The following PRR16 variants were observed in gnomAD, a reference collection of about 807,000 sequenced individuals.
PRR16 encodes the protein proline rich 16, also known as protein Largen.
A neutral mutation model predicts 18.2 loss-of-function variants in PRR16; 6 were observed. That is an observed-to-expected ratio of 0.33 (90% CI 0.18 to 0.65). The LOEUF (loss-of-function observed/expected upper bound fraction) is 0.65, where lower values mean the gene tolerates loss of function less well. Ranked by LOEUF, PRR16 falls within the 30% of genes least tolerant of loss-of-function variation. The probability of loss-of-function intolerance (pLI) is 0.74; values close to 1 mark genes in which losing one functional copy is unlikely to be tolerated. For missense variants in PRR16, 412 were observed against 376.6 expected (o/e 1.09, Z -0.78); for synonymous variants, 151 against 147.8 (o/e 1.02, Z -0.16).
chr5:120,567,371 C>G (rs1261211383), intron 1 of PRR16, among the ~76,000 whole-genome samples: 5 of 152,152 alleles, frequency 3.3e-5, no homozygotes, highest in Non-Finnish European at 7.4e-5. Context: ...AGTTCACCCT[C>G]CTGCCACTGT....
chr5:120,636,910 C>G (rs1755245866), intron 1 of PRR16, among the ~76,000 whole-genome samples: 1 of 151,934 alleles, frequency 6.6e-6, no homozygotes. Context: ...GAACTAAAAT[C>G]CAGAATCTGC....
intron 1 of PRR16, among the ~76,000 whole-genome samples, chr5:120,465,075 C>G (rs1214042744): frequency 6.6e-6 from 1 of 152,160 alleles, no homozygotes; most frequent in African/African-American, 2.4e-5. Flanking sequence ...CTCCCCAAGT[C>G]AGGGCTGAAG....
At chr5:120,466,427 AAAAG>A (rs1749108842) in intron 1 of PRR16, among the ~76,000 whole-genome samples, 1 of 152,202 alleles carries the variant, frequency 6.6e-6, no homozygotes, top group African/African-American at 2.4e-5. Flanking sequence ...GGCTGAGACT[AAAAG>A]AAAGGTAGTT....
intron 1 of PRR16, among the ~76,000 whole-genome samples, chr5:120,543,578 G>A (rs1751982843): frequency 6.6e-6 from 1 of 152,088 alleles, no homozygotes; most frequent in South Asian, 2.1e-4. Context: ...GCTAAATAAG[G>A]AAACTGATGT....
At chr5:120,645,621 A>G (rs1561590960) in intron 1 of PRR16, among the ~76,000 whole-genome samples, 2 of 152,084 alleles carry the variant, frequency 1.3e-5, no homozygotes, top group African/African-American at 4.8e-5. Flanking sequence ...GTTTAAACAA[A>G]AAAAGAAAAT....
chr5:120,632,780 G>C (rs1755100944), intron 1 of PRR16, among the ~76,000 whole-genome samples: 2 of 152,112 alleles, frequency 1.3e-5, no homozygotes, highest in African/African-American at 2.4e-5. Context: ...AGTAAGAAGA[G>C]AAATCTAAAA....
At chr5:120,568,161 G>A (rs1042379925) in intron 1 of PRR16, among the ~76,000 whole-genome samples, 6 of 152,154 alleles carry the variant, frequency 3.9e-5, no homozygotes, top group Non-Finnish European at 7.3e-5. Context: ...CCGGAAAAAC[G>A]GACACAGATG....
At chr5:120,700,770 T>C in the PRR16 span, among the ~76,000 whole-genome samples, 227 of 152,252 alleles carry the variant, frequency 1.5e-3, 2 homozygotes, top group African/African-American at 5.1e-3. Context: ...GGGGACGGGC[T>C]TGCCTTCCAC....
chr5:120,681,316 A>G (rs1756966985), intron 1 of PRR16, among the ~76,000 whole-genome samples: 1 of 152,126 alleles, frequency 6.6e-6, no homozygotes, highest in South Asian at 2.1e-4. Context: ...TGTTATTTCA[A>G]TAGTTTCTGC....
intron 1 of PRR16, among the ~76,000 whole-genome samples, chr5:120,538,119 A>T (rs1256389984): frequency 3.3e-5 from 5 of 152,192 alleles, no homozygotes; most frequent in African/African-American, 1.2e-4. Flanking sequence ...ACTTTGAAAC[A>T]TACTTTCTGC....
chr5:120,728,368 A>G, the PRR16 span, among the ~76,000 whole-genome samples: 2 of 150,842 alleles, frequency 1.3e-5, no homozygotes, highest in Non-Finnish European at 2.9e-5. Flanking sequence ...GTTTCATATT[A>G]AACATGAGAC....
At chr5:120,761,685 A>AAAGAT in the PRR16 span, among the ~76,000 whole-genome samples, 1 of 152,142 alleles carries the variant, frequency 6.6e-6, no homozygotes, top group African/African-American at 2.4e-5. Context: ...ACAGGGTATT[A>AAAGAT]AAGATATACA....
At chr5:120,645,676 G>A (rs1344623331) in intron 1 of PRR16, among the ~76,000 whole-genome samples, 1 of 151,998 alleles carries the variant, frequency 6.6e-6, no homozygotes, top group Non-Finnish European at 1.5e-5. Context: ...ATATGTTTGT[G>A]GGTCCTTCAT....
intron 1 of PRR16, among the ~76,000 whole-genome samples, chr5:120,684,379 A>G (rs17146934): frequency 0.079 from 12,087 of 152,062 alleles, 593 homozygotes; most frequent in East Asian, 0.2. Flanking sequence ...CAACGTCTAG[A>G]TGCTTTTGGT....
chr5:120,476,282 C>T (rs1043115834), intron 1 of PRR16, among the ~76,000 whole-genome samples: 7 of 152,274 alleles, frequency 4.6e-5, no homozygotes, highest in Admixed American at 3.3e-4. Flanking sequence ...CCAATTTGGC[C>T]TTGTCTCTGT....
intron 1 of PRR16, among the ~76,000 whole-genome samples, chr5:120,656,331 A>G (rs1755974289): frequency 6.6e-6 from 1 of 151,790 alleles, no homozygotes; most frequent in East Asian, 1.9e-4. Flanking sequence ...TTCTTTTCTT[A>G]TAGCACCTCT....
intron 1 of PRR16, among the ~76,000 whole-genome samples, chr5:120,654,678 A>G (rs1368446744): frequency 6.6e-6 from 1 of 152,002 alleles, no homozygotes; most frequent in Non-Finnish European, 1.5e-5. Flanking sequence ...AGAGTGAGAG[A>G]GAATATACTA....
At position 120,508,370 on chromosome 5, in the gene PRR16, G is replaced by A. The variant is rs76189361; in HGVS notation, c.159+43725G>A. ...GTGTGCTGAAAACAGTGTTGTTTGG[G>A]TTTTCTTTTATATGCAATTGAACAC... is the stretch of plus-strand genomic sequence containing the variant. On this transcript the variant is annotated intron_variant, in intron 1 of 1. Transcript: ENST00000407149. 3.2e-3 allele frequency among the ~76,000 whole-genome samples: 490 copies of A among 152,138 alleles called. 3 individuals are homozygous for A. Among genetic ancestry groups the A allele is most frequent in the African/African-American group, 0.011 (467 of 41,530 alleles).
At chr5:120,677,809 A>C (rs1181625962) in intron 1 of PRR16, among the ~76,000 whole-genome samples, 11 of 152,016 alleles carry the variant, frequency 7.2e-5, no homozygotes. Context: ...TTCTAAATGC[A>C]CTTAGTGCTA....
Sources: allele counts gnomAD v4.1 joint callset (sites outside exome capture counted in the v4.1 genomes callset), GRCh38; gene constraint gnomAD v4.1.1; transcripts MANE v1.5; gene names NCBI Gene and HGNC (gene_info 2026-07-23, HGNC 2026-07-21).